SPOCK3: variants seen among roughly 807,000 people sequenced by gnomAD.
SPOCK3 encodes the protein SPARC (osteonectin), cwcv and kazal like domains proteoglycan 3, also known as testican-3.
SPOCK3 carries 30 observed loss-of-function variants against 56.6 expected under a neutral mutation model. The observed-to-expected ratio is 0.53, with a 90% confidence interval of 0.40 to 0.72. The LOEUF (loss-of-function observed/expected upper bound fraction) is 0.72, where lower values mean the gene tolerates loss of function less well. Among genes scored for constraint, SPOCK3 ranks in the 30% least tolerant of loss-of-function variants. The pLI is 0.00. For missense variants in SPOCK3, 527 were observed against 530.0 expected (o/e 0.99, Z 0.06); for synonymous variants, 196 against 183.3 (o/e 1.07, Z -0.56).
At chr4:167,054,817 T>A (rs900486461) in intron 3 of SPOCK3, among the ~76,000 whole-genome samples, 1 of 152,228 alleles carries the variant, frequency 6.6e-6, no homozygotes, top group Non-Finnish European at 1.5e-5. Flanking sequence ...GAACAATTAG[T>A]TGATTTTATC....
intron 4 of SPOCK3, among the ~76,000 whole-genome samples, chr4:166,943,966 G>T (rs1030957542): frequency 2.0e-5 from 3 of 152,066 alleles, no homozygotes; most frequent in Non-Finnish European, 2.9e-5. Context: ...GCCAACAATG[G>T]CAAAACCCCA....
intron 8 of SPOCK3, 169 bp downstream of exon 8, chr4:166,754,339 C>T: frequency 7.4e-7 from 1 of 1,359,460 alleles, no homozygotes; most frequent in Non-Finnish European, 9.5e-7. Context: ...GTATCTCTGG[C>T]AGAGTTATTT....
chr4:166,763,003 T>TA (rs1737455320), intron 7 of SPOCK3, among the ~76,000 whole-genome samples: 1 of 152,096 alleles, frequency 6.6e-6, no homozygotes, highest in Non-Finnish European at 1.5e-5. Context: ...AATAATTACT[T>TA]ACATCTTTTT....
intron 6 of SPOCK3, among the ~76,000 whole-genome samples, chr4:166,805,603 T>A (rs950131365): frequency 6.6e-6 from 1 of 152,108 alleles, no homozygotes; most frequent in Non-Finnish European, 1.5e-5. Context: ...TTTAATCAGA[T>A]GAATTCCATT....
intron 3 of SPOCK3, among the ~76,000 whole-genome samples, chr4:167,017,105 C>G (rs1413215959): frequency 6.6e-6 from 1 of 152,052 alleles, no homozygotes; most frequent in Non-Finnish European, 1.5e-5. Flanking sequence ...GGGCAGATAG[C>G]AAAGTAATTG....
At chr4:166,976,349 T>A (rs926697025) in intron 4 of SPOCK3, among the ~76,000 whole-genome samples, 5 of 152,090 alleles carry the variant, frequency 3.3e-5, no homozygotes, top group African/African-American at 1.2e-4. Flanking sequence ...GCCATCAACA[T>A]CTCCCACCTG....
chr4:166,927,988 G>C (rs1322937628), intron 4 of SPOCK3, among the ~76,000 whole-genome samples: 1 of 152,136 alleles, frequency 6.6e-6, no homozygotes, highest in Admixed American at 6.5e-5. Flanking sequence ...TTGATCTACA[G>C]CATATGTTAT....
chr4:167,118,553 T>C (rs1761615776), intron 2 of SPOCK3, among the ~76,000 whole-genome samples: 1 of 152,198 alleles, frequency 6.6e-6, no homozygotes, highest in Non-Finnish European at 1.5e-5. Context: ...TGTGTCTATA[T>C]TTTATGATTG....
chr4:167,173,878 C>T (rs1303364682), intron 2 of SPOCK3, among the ~76,000 whole-genome samples: 1 of 152,100 alleles, frequency 6.6e-6, no homozygotes, highest in Non-Finnish European at 1.5e-5. Flanking sequence ...TCATAGGGCC[C>T]TATAGGCCTG....
chr4:166,925,218 G>A (rs946012211), intron 4 of SPOCK3, among the ~76,000 whole-genome samples: 4 of 152,086 alleles, frequency 2.6e-5, no homozygotes, highest in African/African-American at 9.7e-5. Flanking sequence ...ATAATGTAAT[G>A]TATCACTAAA....
At chr4:166,848,422 A>G (rs1315997394) in intron 6 of SPOCK3, among the ~76,000 whole-genome samples, 1 of 152,208 alleles carries the variant, frequency 6.6e-6, no homozygotes, top group Non-Finnish European at 1.5e-5. Flanking sequence ...TCTTTTTGCT[A>G]GAGTGATGTT....
At chr4:167,055,209 A>T (rs1754664822) in intron 3 of SPOCK3, among the ~76,000 whole-genome samples, 1 of 152,236 alleles carries the variant, frequency 6.6e-6, no homozygotes, top group Non-Finnish European at 1.5e-5. Context: ...GATGTCCATA[A>T]TTCAGTGAAA....
intron 6 of SPOCK3, among the ~76,000 whole-genome samples, chr4:166,862,434 A>G (rs977161418): frequency 1.3e-5 from 2 of 152,148 alleles, no homozygotes; most frequent in African/African-American, 4.8e-5. Context: ...TACACAAGTG[A>G]CATGACATTG....
chr4:166,945,356 T>C (rs1184946432), intron 4 of SPOCK3, among the ~76,000 whole-genome samples: 1 of 152,228 alleles, frequency 6.6e-6, no homozygotes, highest in Non-Finnish European at 1.5e-5. Flanking sequence ...GTTTTCAAAA[T>C]TATAAATCAT....
chr4:167,036,043 AT>A (rs569108745), intron 3 of SPOCK3, among the ~76,000 whole-genome samples: 2 of 152,320 alleles, frequency 1.3e-5, no homozygotes, highest in South Asian at 2.1e-4. Flanking sequence ...GAGATAATCC[AT>A]TTTTTAACTT....
chr4:166,908,756 C>T (rs549952951), intron 5 of SPOCK3, among the ~76,000 whole-genome samples: 6 of 152,058 alleles, frequency 3.9e-5, no homozygotes, highest in Non-Finnish European at 5.9e-5. Context: ...GCAAATGTAA[C>T]GTACACTTTA....
intron 4 of SPOCK3, among the ~76,000 whole-genome samples, chr4:166,975,124 C>A (rs1000207549): frequency 6.6e-6 from 1 of 152,130 alleles, no homozygotes; most frequent in Non-Finnish European, 1.5e-5. Context: ...CCCTCCACAG[C>A]AGCTGACCAG....
chr4:166,816,968 T>G (rs1398357005), intron 6 of SPOCK3, among the ~76,000 whole-genome samples: 1 of 152,032 alleles, frequency 6.6e-6, no homozygotes, highest in East Asian at 1.9e-4. Flanking sequence ...AAGAATAGTG[T>G]CAAGAACATG....
chr4:167,118,922 T>G (rs1390944602), intron 2 of SPOCK3, among the ~76,000 whole-genome samples: 1 of 152,168 alleles, frequency 6.6e-6, no homozygotes, highest in Non-Finnish European at 1.5e-5. Flanking sequence ...TATCCGCTGC[T>G]GGTTTAAGCC....
Sources: gnomAD v4.1 joint callset for allele counts (sites outside exome capture counted in the v4.1 genomes callset) on GRCh38, gnomAD v4.1.1 for gene constraint, MANE v1.5 for transcripts, NCBI Gene and HGNC (gene_info 2026-07-23, HGNC 2026-07-21) for gene names.